Variants in MTMR14 observed in about 807,000 individuals in gnomAD.
The protein encoded by MTMR14 is myotubularin related protein 14.
In MTMR14, 48 loss-of-function variants were observed where a neutral mutation model predicts 86.3. The ratio of observed to expected loss-of-function variants is 0.56; its 90% CI spans 0.44 to 0.71. The LOEUF is 0.71. Among genes scored for constraint, MTMR14 ranks in the 30% least tolerant of loss-of-function variants. The pLI is 0.00. For synonymous variants in MTMR14, 366 were observed against 326.1 expected (o/e 1.12, Z -1.32); for missense variants, 780 against 834.6 (o/e 0.93, Z 0.81).
chr3:9,673,056 C>T (rs571381929), intron 7 of MTMR14, among the ~76,000 whole-genome samples: 1 of 152,242 alleles, frequency 6.6e-6, no homozygotes, highest in Admixed American at 6.5e-5. Context: ...GAGCTTGGAA[C>T]GATTTAGCTC....
chr3:9,651,735 G>T (rs1450079182), intron 1 of MTMR14, among the ~76,000 whole-genome samples: 1 of 151,932 alleles, frequency 6.6e-6, no homozygotes, highest in African/African-American at 2.4e-5. Flanking sequence ...GTGCGATCTT[G>T]GCTCGCTGCA....
At chr3:9,681,994 G>T (rs542224737) in intron 9 of MTMR14, among the ~76,000 whole-genome samples, 1 of 152,168 alleles carries the variant, frequency 6.6e-6, no homozygotes. Flanking sequence ...TCCTCGGCAG[G>T]GCCTGCCCTC....
Position 9,702,086 on chromosome 3 carries a change from C to A in MTMR14, c.*113C>A. On this transcript the variant is annotated 3_prime_UTR_variant, in exon 19 of 19. Coordinates refer to ENST00000296003, the MANE Select transcript of MTMR14 (RefSeq NM_001077525.3). The stretch of plus-strand genomic sequence containing the variant: ...CCAGGTCAGGGGAAATTTCAGTCCC[C>A]CATCTCCATCATGAACATGGCAGCC... 7.4e-7 allele frequency: 1 copy of A among 1,354,348 alleles called. No homozygotes were observed. Among genetic ancestry groups the A allele is most frequent in the Non-Finnish European group, 1.0e-6 (1 of 963,626 alleles). The allele number at this position is 1,354,348 out of a possible 1,614,324, so 83.9% of individuals were successfully genotyped here.
intron 12 of MTMR14, 76 bp from the exon 13 acceptor site, chr3:9,685,135 G>C (rs1322214866): frequency 6.3e-7 from 1 of 1,596,654 alleles, no homozygotes; most frequent in Admixed American, 1.7e-5. Flanking sequence ...GACACAGTCT[G>C]TGTCTGGTGA....
At chr3:9,649,796 G>T in intron 1 of MTMR14, 54 bp downstream of exon 1, 1 of 1,606,132 alleles carries the variant, frequency 6.2e-7, no homozygotes. Flanking sequence ...GGAAGTTACA[G>T]AGGAAAGGCT....
At chr3:9,668,281 C>G (rs2048365697) in intron 3 of MTMR14, among the ~76,000 whole-genome samples, 1 of 152,202 alleles carries the variant, frequency 6.6e-6, no homozygotes, top group African/African-American at 2.4e-5. Context: ...TCCCAGCTCA[C>G]CCCTCATTAT....
chr3:9,670,944 T>C, intron 5 of MTMR14, 104 bp from the exon 6 acceptor site: 1 of 1,478,528 alleles, frequency 6.8e-7, no homozygotes, highest in Non-Finnish European at 9.4e-7. Flanking sequence ...ACGCCCCAGC[T>C]TCTGGAGAAG....
At chr3:9,668,415 A>T (rs771700412) in intron 3 of MTMR14, among the ~76,000 whole-genome samples, 1 of 152,232 alleles carries the variant, frequency 6.6e-6, no homozygotes, top group Non-Finnish European at 1.5e-5. Flanking sequence ...CAGTGAGAAG[A>T]TGATGGGTTT....
intron 3 of MTMR14, among the ~76,000 whole-genome samples, chr3:9,668,026 C>G (rs1302397713): frequency 2.0e-5 from 3 of 152,196 alleles, no homozygotes; most frequent in Admixed American, 6.5e-5. Flanking sequence ...CCATTCCCCC[C>G]ACCCAACTAG....
intron 7 of MTMR14, among the ~76,000 whole-genome samples, chr3:9,676,764 T>A (rs2075594121): frequency 6.6e-6 from 1 of 152,218 alleles, no homozygotes; most frequent in South Asian, 2.1e-4. Flanking sequence ...TATAGAAAAG[T>A]GCCTCTTTGC....
At chr3:9,684,751 T>C in intron 11 of MTMR14, 81 bp downstream of exon 11, 1 of 1,564,442 alleles carries the variant, frequency 6.4e-7, no homozygotes, top group Non-Finnish European at 8.8e-7. Context: ...GAGCAGGGGA[T>C]GCCATCGCTC....
At chr3:9,676,492 T>G (rs1211706003) in intron 7 of MTMR14, among the ~76,000 whole-genome samples, 1 of 152,230 alleles carries the variant, frequency 6.6e-6, no homozygotes. Flanking sequence ...GTGATGACAA[T>G]AGTGTGCTGC....
chr3:9,686,996 C>T (rs1270364714), intron 13 of MTMR14, among the ~76,000 whole-genome samples: 1 of 152,250 alleles, frequency 6.6e-6, no homozygotes. Context: ...GCAAGGGAGG[C>T]TCTAGGCCAG....
At chr3:9,659,060 C>T (rs2047770740) in intron 2 of MTMR14, among the ~76,000 whole-genome samples, 1 of 152,212 alleles carries the variant, frequency 6.6e-6, no homozygotes, top group East Asian at 1.9e-4. Flanking sequence ...ATGGTGACAC[C>T]TTGTCACTAC....
At chr3:9,660,365 T>C (rs949015833) in intron 2 of MTMR14, among the ~76,000 whole-genome samples, 1 of 152,062 alleles carries the variant, frequency 6.6e-6, no homozygotes, top group African/African-American at 2.4e-5. Flanking sequence ...TTCAAGCAGT[T>C]CTCCTGCCTC....
At chr3:9,653,482 G>A in intron 1 of MTMR14, 139 bp from the exon 2 acceptor site, 1 of 1,051,708 alleles carries the variant, frequency 9.5e-7, no homozygotes, top group Non-Finnish European at 1.4e-6. Context: ...CTGTGGCCTA[G>A]CATCACATCT....
At position 9,701,381 on chromosome 3, in the gene MTMR14, A is replaced by G. The variant is rs989901642; in HGVS notation, c.1770-409A>G. The G allele has an allele frequency of 4.2e-5, 12 of 286,368 alleles. No homozygotes were observed. Among genetic ancestry groups the G allele is most frequent in the Non-Finnish European group, 8.2e-5 (12 of 147,126 alleles). 17.7% of individuals were successfully genotyped at this position (286,368 alleles called of 1,614,324 possible). Reference sequence around the variant, plus strand: ...GGAGTTTGAGACCAGCCTGGGCAACATGGTAAAACCCTATCATGGTGGCAT... The same window carrying G: ...GGAGTTTGAGACCAGCCTGGGCAACGTGGTAAAACCCTATCATGGTGGCAT... On this transcript the variant is annotated intron_variant, in intron 18 of 18. Transcript: ENST00000296003. This position sits in a 1 kb window ranked among gnomAD's most constrained non-coding sequence, Gnocchi z 4.2.
At chr3:9,680,891 G>GTGC (rs1422143734) in intron 9 of MTMR14, among the ~76,000 whole-genome samples, 4 of 152,214 alleles carry the variant, frequency 2.6e-5, no homozygotes, top group African/African-American at 9.6e-5. Context: ...AGGTTCGCAC[G>GTGC]TGCTGTTTTC....
intron 14 of MTMR14, 44 bp from the exon 15 acceptor site, chr3:9,688,652 C>A: frequency 1.2e-6 from 2 of 1,607,438 alleles, no homozygotes; most frequent in Non-Finnish European, 8.5e-7. Flanking sequence ...CACAATAAGA[C>A]CCCAGATAGA....
Sources: gnomAD v4.1 joint callset for allele counts (sites outside exome capture counted in the v4.1 genomes callset) on GRCh38, gnomAD v4.1.1 for gene constraint, Gnocchi (gnomAD v3.1) non-coding constraint, MANE v1.5 for transcripts, NCBI Gene and HGNC (gene_info 2026-07-23, HGNC 2026-07-21) for gene names.